PDE12: variants seen among roughly 807,000 people sequenced by gnomAD.
The protein encoded by PDE12 is phosphodiesterase 12.
A neutral mutation model predicts 45.4 loss-of-function variants in PDE12; 26 were observed. That is an observed-to-expected ratio of 0.57 (90% CI 0.42 to 0.79). PDE12 has a LOEUF of 0.79. Among genes scored for constraint, PDE12 ranks in the 30% least tolerant of loss-of-function variants. The pLI is 0.00. For missense variants in PDE12, 668 were observed against 790.0 expected, an observed-to-expected ratio of 0.85 and a Z score of 1.85; for synonymous variants, 283 against 323.9, an observed-to-expected ratio of 0.87 and a Z score of 1.36.
the PDE12 span, among the ~76,000 whole-genome samples, chr3:57,587,694 T>C: frequency 1.3e-5 from 2 of 152,158 alleles, no homozygotes; most frequent in Non-Finnish European, 2.9e-5. Context: ...CATTTTACTT[T>C]TTTAAAAAGG....
chr3:57,579,410 C>A, the PDE12 span, among the ~76,000 whole-genome samples: 6 of 151,978 alleles, frequency 3.9e-5, no homozygotes, highest in Admixed American at 3.9e-4. Context: ...GCCTCAGCCT[C>A]CTGAGTAGCT....
chr3:57,612,034 A>C, the PDE12 span, among the ~76,000 whole-genome samples: 1 of 152,132 alleles, frequency 6.6e-6, no homozygotes, highest in African/African-American at 2.4e-5. Flanking sequence ...AATGTGGCAC[A>C]TATACACCAT....
At chr3:57,614,525 TTTTTTTTTTTTG>T in the PDE12 span, among the ~76,000 whole-genome samples, 6 of 141,558 alleles carry the variant, frequency 4.2e-5, no homozygotes, top group East Asian at 4.7e-4. Context: ...TGTAATCCGT[TTTTTTTTTTTTG>T]TTTTTTGTTT....
At chr3:57,633,925 T>G in the PDE12 span, among the ~76,000 whole-genome samples, 6 of 151,560 alleles carry the variant, frequency 4.0e-5, no homozygotes, top group African/African-American at 1.5e-4. Context: ...ATAAAGACAA[T>G]CTTTATTTTA....
chr3:57,557,132 C>T lies in PDE12; in HGVS notation c.753C>T (p.Thr251=). The T allele has an allele frequency of 1.2e-6, 2 of 1,614,084 alleles. No homozygotes were observed. Among genetic ancestry groups the T allele is most frequent in the East Asian group, 2.2e-5 (1 of 44,864 alleles). ...GGCTAAGGCTCAAGCTTCACTGCAC[C>T]CCAGGCGATGGGCAGCGCTTTGGGC... The part of the protein sequence containing the change: ...DIGLRLKLHC[T]PGDGQRFGHS... Residue 251 remains threonine, a synonymous_variant, in exon 1 of 3, where the codon ACC becomes ACT. Transcript: ENST00000311180.
chr3:57,590,139 A>AAT, the PDE12 span, among the ~76,000 whole-genome samples: 2 of 144,568 alleles, frequency 1.4e-5, no homozygotes, highest in African/African-American at 2.5e-5. Context: ...AAATAAAACA[A>AAT]AAAACAAAAA....
At chr3:57,558,615 C>T (rs2069691899) in intron 1 of PDE12, among the ~76,000 whole-genome samples, 1 of 152,050 alleles carries the variant, frequency 6.6e-6, no homozygotes, top group Non-Finnish European at 1.5e-5. Flanking sequence ...CTCAGCCTCC[C>T]TAGTAGCTGG....
chr3:57,618,979 T>C, the PDE12 span, among the ~76,000 whole-genome samples: 1 of 152,226 alleles, frequency 6.6e-6, no homozygotes, highest in African/African-American at 2.4e-5. Flanking sequence ...ATTTAACGAA[T>C]TAAATAATTT....
chr3:57,593,785 T>A, the PDE12 span, among the ~76,000 whole-genome samples: 1 of 152,090 alleles, frequency 6.6e-6, no homozygotes, highest in African/African-American at 2.4e-5. Flanking sequence ...CCTGTAACCC[T>A]AGCACTTTTC....
At chr3:57,587,176 G>T in the PDE12 span, among the ~76,000 whole-genome samples, 1 of 151,954 alleles carries the variant, frequency 6.6e-6, no homozygotes, top group Non-Finnish European at 1.5e-5. Context: ...GAAACTAGCT[G>T]GATGTGGTGG....
At chr3:57,610,365 G>C in the PDE12 span, among the ~76,000 whole-genome samples, 1 of 152,068 alleles carries the variant, frequency 6.6e-6, no homozygotes, top group South Asian at 2.1e-4. Context: ...ATTCAACATA[G>C]TGTTGGAAGT....
At chr3:57,614,864 G>A in the PDE12 span, among the ~76,000 whole-genome samples, 2 of 151,624 alleles carry the variant, frequency 1.3e-5, no homozygotes, top group East Asian at 3.9e-4. Flanking sequence ...GTGGTGGCAG[G>A]CGCTTGTAAT....
At chr3:57,610,682 T>C in the PDE12 span, among the ~76,000 whole-genome samples, 4 of 152,146 alleles carry the variant, frequency 2.6e-5, no homozygotes, top group African/African-American at 9.7e-5. Context: ...TTACAAGGGA[T>C]GTGAGGGACC....
the PDE12 span, among the ~76,000 whole-genome samples, chr3:57,640,163 G>A: frequency 1.3e-5 from 2 of 151,738 alleles, no homozygotes; most frequent in African/African-American, 4.8e-5. Context: ...CAGCTCCTTG[G>A]GAGGCTGAGG....
the PDE12 span, among the ~76,000 whole-genome samples, chr3:57,585,420 CCT>C: frequency 6.6e-6 from 1 of 152,016 alleles, no homozygotes; most frequent in Non-Finnish European, 1.5e-5. Context: ...CAATTTTACC[CCT>C]GCTTAAATCC....
chr3:57,650,394 G>A, the PDE12 span, among the ~76,000 whole-genome samples: 1 of 147,938 alleles, frequency 6.8e-6, no homozygotes, highest in Admixed American at 6.9e-5. Flanking sequence ...TTTAATATAT[G>A]AGTGTGTATA....
At chr3:57,622,792 A>C in the PDE12 span, among the ~76,000 whole-genome samples, 1 of 152,224 alleles carries the variant, frequency 6.6e-6, no homozygotes, top group Non-Finnish European at 1.5e-5. Flanking sequence ...ACCTGAATGA[A>C]TCTCAAAATC....
At position 57,563,831 on chromosome 3, in the gene PDE12, T is replaced by C. The variant is rs1027786868; in HGVS notation, c.*3827T>C. 6.6e-6 allele frequency: 1 copy of C among 152,150 alleles called. No homozygotes were observed. The highest frequency in any genetic ancestry group is 2.4e-5 in the African/African-American group (1 of 41,394). The allele number at this position is 152,150 out of a possible 1,614,324, so 9.4% of individuals were successfully genotyped here. A position where few individuals can be genotyped will look rare whatever the true frequency, so the allele number is the denominator to read the frequency against. ...CCCATGAGGTCAAGCCTGCAGTGAGTTGTGATCAAGGTGCGCTGCACTCCA... is the reference window on the plus strand; with the variant it reads ...CCCATGAGGTCAAGCCTGCAGTGAGCTGTGATCAAGGTGCGCTGCACTCCA... On this transcript the variant is annotated 3_prime_UTR_variant, in exon 3 of 3. Coordinates refer to ENST00000311180, the MANE Select transcript of PDE12 (RefSeq NM_177966.7).
rs1575772927 is a variant in PDE12, at chr3:57,559,728, T to G, written c.1554T>G (p.His518Gln). Residue 518 changes from histidine (H) to glutamine (Q), a missense_variant, in exon 3 of 3, where the codon CAT becomes CAG. Transcript: ENST00000311180. ...FVINGSIPED[H>Q]EDWASNGEEE... is the part of the protein sequence containing the mutation. ...TCAATGGCAGCATTCCAGAGGATCA[T>G]GAAGACTGGGCTTCCAATGGGGAGG... 6.2e-7 allele frequency: 1 copy of G among 1,614,218 alleles called. No individual in the cohort carries two copies. The highest frequency in any genetic ancestry group is 1.7e-5 in the Admixed American group (1 of 60,026).
Sources: allele counts gnomAD v4.1 joint callset (sites outside exome capture counted in the v4.1 genomes callset), GRCh38; gene constraint gnomAD v4.1.1; transcripts MANE v1.5; gene names NCBI Gene and HGNC (gene_info 2026-07-23, HGNC 2026-07-21).